The following ARIH1 variants were observed in gnomAD, a reference collection of about 807,000 sequenced individuals.
ARIH1 encodes the protein ariadne RBR E3 ubiquitin protein ligase 1, also known as E3 ubiquitin-protein ligase ARIH1.
A neutral mutation model predicts 85.0 loss-of-function variants in ARIH1; 8 were observed. The ratio of observed to expected loss-of-function variants is 0.09; its 90% confidence interval spans 0.06 to 0.17. The LOEUF (loss-of-function observed/expected upper bound fraction) is 0.17. ARIH1 is among the 10% of genes least tolerant of loss of function. ARIH1 has a pLI of 1.00. For synonymous variants in ARIH1, 238 were observed against 253.6 expected (o/e 0.94, Z 0.59); for missense variants, 311 against 718.1 (o/e 0.43, Z 6.48).
At chr15:72,511,625 G>A (rs2063950868) in intron 1 of ARIH1, among the ~76,000 whole-genome samples, 1 of 152,028 alleles carries the variant, frequency 6.6e-6, no homozygotes, top group Non-Finnish European at 1.5e-5. Flanking sequence ...TTTTATATTG[G>A]CCTTGGACTT....
At chr15:72,494,635 TTAA>T (rs1224700943) in intron 1 of ARIH1, among the ~76,000 whole-genome samples, 2 of 152,002 alleles carry the variant, frequency 1.3e-5, no homozygotes, top group African/African-American at 4.8e-5. Flanking sequence ...AACTTTTAAA[TTAA>T]TAAGGAATTA....
rs144475179 is a variant in ARIH1, at chr15:72,585,217, C to T, written c.*1925C>T. On this transcript the variant is annotated 3_prime_UTR_variant, in exon 14 of 14. Coordinates refer to ENST00000379887, the MANE Select transcript of ARIH1 (RefSeq NM_005744.5). ...GTATAAATGCTGCTTCCTTAAACCA[C>T]TTGTCGCTTTAGGATCAACTTTACC... The T allele has an allele frequency of 2.6e-5, 4 of 152,266 alleles. No homozygotes were observed. The highest frequency in any genetic ancestry group is 9.6e-5 in the African/African-American group (4 of 41,552). The allele number at this position is 152,266 out of a possible 1,614,324, so 9.4% of individuals were successfully genotyped here. A position where few individuals can be genotyped will look rare whatever the true frequency, so the allele number is the denominator to read the frequency against.
intron 11 of ARIH1, among the ~76,000 whole-genome samples, chr15:72,577,858 G>C (rs138664229): frequency 4.6e-5 from 7 of 152,130 alleles, no homozygotes; most frequent in Admixed American, 1.3e-4. Context: ...AAAACCTTAC[G>C]AACCGTTTTG....
At chr15:72,544,685 T>C (rs2064121601) in intron 2 of ARIH1, 135 bp from the exon 3 acceptor site, 1 of 778,314 alleles carries the variant, frequency 1.3e-6, no homozygotes, top group Non-Finnish European at 2.0e-6. Flanking sequence ...TTTTATTTCC[T>C]CTGAATAAAA....
chr15:72,556,464 A>T (rs1256061774), intron 5 of ARIH1, among the ~76,000 whole-genome samples: 1 of 152,228 alleles, frequency 6.6e-6, no homozygotes, highest in African/African-American at 2.4e-5. Context: ...GTTGGCTGGG[A>T]CTACCCAGGG....
chr15:72,576,357 T>C (rs1455044106), intron 11 of ARIH1, among the ~76,000 whole-genome samples: 1 of 151,616 alleles, frequency 6.6e-6, no homozygotes, highest in Non-Finnish European at 1.5e-5. Flanking sequence ...TACAAAAAAA[T>C]TAGCTGGGCG....
intron 1 of ARIH1, among the ~76,000 whole-genome samples, chr15:72,485,744 T>C (rs917739249): frequency 6.6e-6 from 1 of 152,322 alleles, no homozygotes; most frequent in Admixed American, 6.5e-5. Context: ...CATAGTATCA[T>C]AGGCCATAAC....
At chr15:72,578,091 C>T (rs1417904921) in intron 11 of ARIH1, among the ~76,000 whole-genome samples, 1 of 152,186 alleles carries the variant, frequency 6.6e-6, no homozygotes, top group East Asian at 1.9e-4. Context: ...GGAAGCAGCT[C>T]ATCTCCATCA....
intron 1 of ARIH1, among the ~76,000 whole-genome samples, chr15:72,494,042 C>T (rs749813378): frequency 1.3e-5 from 2 of 152,070 alleles, no homozygotes; most frequent in Non-Finnish European, 2.9e-5. Flanking sequence ...AATGCAGAAC[C>T]CTTCCCTAAC....
At chr15:72,583,180 G>GTT (rs542674015) in intron 13 of ARIH1, 28 bp from the exon 14 acceptor site, 2,976 of 1,275,858 alleles carry the variant, frequency 2.3e-3, no homozygotes, top group South Asian at 5.2e-3. Flanking sequence ...CTGACAACAA[G>GTT]TTTTTTTTTT....
Position 72,555,953 on chromosome 15 carries a change from T to C in ARIH1, c.737+46T>C, listed in dbSNP as rs185438012. ...CTGCATGTGAATATTGGTTAGTTGG[T>C]TAAACCAAATTAATTTTTACTTAGT... is the stretch of plus-strand genomic sequence containing the variant. On this transcript the variant is annotated intron_variant, in intron 5 of 13. Coordinates refer to ENST00000379887, the MANE Select transcript of ARIH1 (RefSeq NM_005744.5). The C allele has an allele frequency of 6.2e-4, 934 of 1,516,064 alleles. 3 individuals carry two copies. The East Asian group carries it at 0.011, about 18-fold the overall frequency. The allele number at this position is 1,516,064 out of a possible 1,614,324, so 93.9% of individuals were successfully genotyped here.
chr15:72,493,446 A>G (rs2063867450), intron 1 of ARIH1, among the ~76,000 whole-genome samples: 2 of 152,198 alleles, frequency 1.3e-5, no homozygotes, highest in Non-Finnish European at 2.9e-5. Flanking sequence ...CACCCTGCTC[A>G]ATTAAATAAA....
chr15:72,518,285 C>T (rs1025694928), intron 2 of ARIH1, 151 bp downstream of exon 2: 2 of 598,536 alleles, frequency 3.3e-6, no homozygotes, highest in Non-Finnish European at 5.7e-6. Context: ...TTCTTGTATT[C>T]CCCTTTTGTA....
intron 1 of ARIH1, among the ~76,000 whole-genome samples, chr15:72,509,531 C>T (rs2063941127): frequency 6.6e-6 from 1 of 152,082 alleles, no homozygotes; most frequent in African/African-American, 2.4e-5. Context: ...CCCTCCCCCA[C>T]CTTTAATATT....
chr15:72,479,405 A>C (rs2140389645), intron 1 of ARIH1, among the ~76,000 whole-genome samples: 1 of 151,956 alleles, frequency 6.6e-6, no homozygotes, highest in African/African-American at 2.4e-5. Context: ...TGTTATGCTA[A>C]ATAACTTTTT....
intron 11 of ARIH1, among the ~76,000 whole-genome samples, chr15:72,580,169 A>G (rs1461077276): frequency 2.0e-5 from 3 of 152,104 alleles, no homozygotes; most frequent in Non-Finnish European, 4.4e-5. Flanking sequence ...GTTTCTACAT[A>G]TAAGCGAGAT....
rs1201769507 is a variant in ARIH1, at chr15:72,598,112, A to T, written c.*14820A>T. Reference sequence around the variant, plus strand: ...GCTGGGACTACAGGCGTGTACCACCACACCCGGCTAATTTTTGTATTTTTT... The same window carrying T: ...GCTGGGACTACAGGCGTGTACCACCTCACCCGGCTAATTTTTGTATTTTTT... On this transcript the variant is annotated 3_prime_UTR_variant, in exon 14 of 14. Coordinates refer to ENST00000379887, the MANE Select transcript of ARIH1 (RefSeq NM_005744.5). 6.6e-6 allele frequency: 1 copy of T among 152,022 alleles called. No individual in the cohort carries two copies. Among genetic ancestry groups the T allele is most frequent in the Admixed American group, 6.6e-5 (1 of 15,258 alleles). The allele number at this position is 152,022 out of a possible 1,614,324, so 9.4% of individuals were successfully genotyped here.
chr15:72,499,542 G>A (rs2140400984), intron 1 of ARIH1, among the ~76,000 whole-genome samples: 1 of 152,240 alleles, frequency 6.6e-6, no homozygotes, highest in South Asian at 2.1e-4. Flanking sequence ...TTCGCTTATA[G>A]CTTGATTTTT....
At chr15:72,565,077 T>C (rs923476346) in intron 7 of ARIH1, among the ~76,000 whole-genome samples, 1 of 152,170 alleles carries the variant, frequency 6.6e-6, no homozygotes, top group Non-Finnish European at 1.5e-5. Context: ...TGTTTTGTTT[T>C]GTTTTGAGAG....
Sources: gnomAD v4.1 joint callset for allele counts (sites outside exome capture counted in the v4.1 genomes callset) on GRCh38, gnomAD v4.1.1 for gene constraint, MANE v1.5 for transcripts, NCBI Gene and HGNC (gene_info 2026-07-23, HGNC 2026-07-21) for gene names.